Variants in PEX7 observed in about 807,000 individuals in gnomAD.
PEX7 encodes peroxisomal biogenesis factor 7.
Under a neutral mutation model 47.5 loss-of-function variants are expected in PEX7, and 34 were observed. That is an observed-to-expected ratio of 0.72 (90% CI 0.54 to 0.95). The LOEUF (loss-of-function observed/expected upper bound fraction) is 0.95. Ranked by LOEUF, PEX7 falls within the 40% of genes least tolerant of loss-of-function variation. The pLI is 0.00. For synonymous variants in PEX7, 141 were observed against 148.8 expected, an observed-to-expected ratio of 0.95 and a Z score of 0.38; for missense variants, 394 against 400.3, an observed-to-expected ratio of 0.98 and a Z score of 0.13.
intron 5 of PEX7, among the ~76,000 whole-genome samples, chr6:136,861,452 A>C (rs999568846): frequency 6.6e-6 from 1 of 152,230 alleles, no homozygotes; most frequent in African/African-American, 2.4e-5. Context: ...ATTGATCTTG[A>C]GACAATGCTA....
At chr6:136,872,381 A>T in intron 8 of PEX7, 128 bp downstream of exon 8, 1 of 719,686 alleles carries the variant, frequency 1.4e-6, no homozygotes, top group Non-Finnish European at 2.4e-6. Flanking sequence ...ACATTTAAAT[A>T]TTTACTAGGA....
chr6:136,855,169 T>TA (rs1315702803), intron 5 of PEX7, among the ~76,000 whole-genome samples: 2 of 152,064 alleles, frequency 1.3e-5, no homozygotes, highest in African/African-American at 4.8e-5. Flanking sequence ...ATTGGCAACA[T>TA]ACACAGTAAA....
chr6:136,855,312 T>C (rs1425993011), intron 5 of PEX7, among the ~76,000 whole-genome samples: 1 of 152,050 alleles, frequency 6.6e-6, no homozygotes, highest in Non-Finnish European at 1.5e-5. Context: ...TGTTTGTTAT[T>C]ATTTAAAGTT....
At chr6:136,885,192 G>T in intron 8 of PEX7, among the ~76,000 whole-genome samples, 1 of 152,222 alleles carries the variant, frequency 6.6e-6, no homozygotes, top group Non-Finnish European at 1.5e-5. Flanking sequence ...GCAGCATTCC[G>T]TGTCTTCCAC....
intron 9 of PEX7, among the ~76,000 whole-genome samples, chr6:136,899,064 G>GTTT (rs199844269): frequency 8.0e-6 from 1 of 125,628 alleles, no homozygotes; most frequent in Non-Finnish European, 1.7e-5. Flanking sequence ...ATATGTAAGT[G>GTTT]TTTTTTTTTT....
intron 5 of PEX7, among the ~76,000 whole-genome samples, chr6:136,852,301 T>G (rs1167649033): frequency 6.7e-6 from 1 of 150,222 alleles, no homozygotes; most frequent in Non-Finnish European, 1.5e-5. Context: ...TGTTGGAAGT[T>G]CTGGCCAGGG....
rs144226815 is a variant in PEX7 at position 136,846,225 on chromosome 6, G to T, written c.526+44G>T. The T allele has an allele frequency of 2.2e-5, 27 of 1,242,192 alleles. No homozygotes were observed. In the East Asian group the frequency reaches 6.3e-4, roughly 29 times the overall value. The allele number at this position is 1,242,192 out of a possible 1,614,324, so 76.9% of individuals were successfully genotyped here. A position where few individuals can be genotyped will look rare whatever the true frequency, so the allele number is the denominator to read the frequency against. On this transcript the variant is annotated intron_variant, in intron 5 of 9. Coordinates refer to ENST00000318471, the MANE Select transcript of PEX7 (RefSeq NM_000288.4). ...ACCAAAAGCCTTACTTGTAGTGAAT[G>T]GTGGCCTTGTTTTTACCATTAGGTG... is the stretch of plus-strand genomic sequence containing the variant.
At chr6:136,839,067 G>A (rs1170035194) in intron 3 of PEX7, among the ~76,000 whole-genome samples, 1 of 152,114 alleles carries the variant, frequency 6.6e-6, no homozygotes, top group East Asian at 1.9e-4. Context: ...TGTGGTCCCA[G>A]CTACCCGGGA....
At chr6:136,826,245 T>C in intron 2 of PEX7, 74 bp from the exon 3 acceptor site, 1 of 1,495,862 alleles carries the variant, frequency 6.7e-7, no homozygotes, top group Non-Finnish European at 9.3e-7. Context: ...AAAACCATAA[T>C]TGTTATTTTT....
intron 8 of PEX7, among the ~76,000 whole-genome samples, chr6:136,894,407 T>C (rs951907757): frequency 6.6e-6 from 1 of 152,086 alleles, no homozygotes; most frequent in Admixed American, 6.6e-5. Context: ...CTGACCAACA[T>C]GGTGAAATCC....
At chr6:136,848,844 A>G (rs1217016113) in intron 5 of PEX7, among the ~76,000 whole-genome samples, 1 of 152,168 alleles carries the variant, frequency 6.6e-6, no homozygotes, top group African/African-American at 2.4e-5. Flanking sequence ...AGGCTTTGGT[A>G]TCAGTATGCT....
chr6:136,898,793 TTAAA>T (rs1239177626), intron 9 of PEX7, among the ~76,000 whole-genome samples: 1 of 152,190 alleles, frequency 6.6e-6, no homozygotes, highest in Non-Finnish European at 1.5e-5. Context: ...ACTTTGGACT[TTAAA>T]TATCCCTCAG....
At chr6:136,860,074 A>G (rs1774930908) in intron 5 of PEX7, among the ~76,000 whole-genome samples, 5 of 152,138 alleles carry the variant, frequency 3.3e-5, no homozygotes, top group African/African-American at 9.7e-5. Context: ...TGCAATTGAT[A>G]AGAGAAGCTG....
intron 4 of PEX7, 139 bp downstream of exon 4, chr6:136,845,831 A>C: frequency 2.9e-6 from 2 of 697,902 alleles, no homozygotes; most frequent in Non-Finnish European, 5.0e-6. Flanking sequence ...AAATTAAAAC[A>C]CTTATTAGAA....
At chr6:136,843,085 A>T (rs900708883) in intron 3 of PEX7, among the ~76,000 whole-genome samples, 1 of 152,190 alleles carries the variant, frequency 6.6e-6, no homozygotes, top group Admixed American at 6.5e-5. Context: ...CTGATTCAAC[A>T]GTGCCCTCAA....
intron 9 of PEX7, among the ~76,000 whole-genome samples, chr6:136,899,480 G>A (rs1466262658): frequency 6.6e-6 from 1 of 152,172 alleles, no homozygotes; most frequent in Non-Finnish European, 1.5e-5. Context: ...CTAACCTCAA[G>A]TGATCCACCT....
chr6:136,846,601 T>G (rs1774607429), intron 5 of PEX7, among the ~76,000 whole-genome samples: 1 of 152,172 alleles, frequency 6.6e-6, no homozygotes, highest in Non-Finnish European at 1.5e-5. Context: ...GTGTTTGGTT[T>G]TCTGTCCTTG....
Position 136,900,725 on chromosome 6 carries a change from T to C in PEX7, c.903+2484T>C. 1 of 351,500 alleles carries C rather than the reference T, an allele frequency of 2.8e-6. No homozygotes were observed. The allele number at this position is 351,500 out of a possible 1,614,324, so 21.8% of individuals were successfully genotyped here. ...GTCACCGCCAGCTGAGCCTTCTTCT[T>C]CTCCACCAAGGTGGTGACGGTGTTA... is the stretch of plus-strand genomic sequence containing the variant. On this transcript the variant is annotated intron_variant, in intron 9 of 9. Transcript: ENST00000318471. This position sits in a 1 kb window ranked among gnomAD's most constrained non-coding sequence, Gnocchi z 4.2.
chr6:136,911,041 AT>A lies in PEX7; in HGVS notation c.904-2412del, dbSNP rs201647133. Reference sequence around the variant, plus strand: ...TGAAATTTACAAATCTTAGATATACATTTTTGACAAATAGATACGTCTGTGA... The same window carrying A: ...TGAAATTTACAAATCTTAGATATACATTTTGACAAATAGATACGTCTGTGA... On this transcript the variant is annotated intron_variant, in intron 9 of 9. Transcript: ENST00000318471. 8.7e-4 allele frequency among the ~76,000 whole-genome samples: 133 copies of A among 152,238 alleles called. 3 individuals carry two copies. In the East Asian group the frequency reaches 0.023, roughly 26 times the overall value.
Sources: allele counts gnomAD v4.1 joint callset (sites outside exome capture counted in the v4.1 genomes callset), GRCh38; gene constraint gnomAD v4.1.1; non-coding constraint Gnocchi (gnomAD v3.1); transcripts MANE v1.5; gene names NCBI Gene and HGNC (gene_info 2026-07-23, HGNC 2026-07-21).